Variants in ARHGEF7 observed in about 807,000 individuals in gnomAD.
ARHGEF7 encodes the protein Rho guanine nucleotide exchange factor 7.
A neutral mutation model predicts 109.8 loss-of-function variants in ARHGEF7; 33 were observed. That is an observed-to-expected ratio of 0.30 (90% CI 0.23 to 0.40). The LOEUF (loss-of-function observed/expected upper bound fraction) is 0.40, where lower values mean the gene tolerates loss of function less well. Among genes scored for constraint, ARHGEF7 ranks in the 10% least tolerant of loss-of-function variants. The probability of loss-of-function intolerance (pLI) is 1.00; values close to 1 mark genes in which losing one functional copy is unlikely to be tolerated. For synonymous variants in ARHGEF7, 458 were observed against 424.6 expected, an observed-to-expected ratio of 1.08 and a Z score of -0.97; for missense variants, 938 against 1,098.5, an observed-to-expected ratio of 0.85 and a Z score of 2.07.
chr13:111,260,914 A>T (rs571127190), intron 8 of ARHGEF7, among the ~76,000 whole-genome samples: 1 of 152,214 alleles, frequency 6.6e-6, no homozygotes, highest in African/African-American at 2.4e-5. Context: ...TACACAATCA[A>T]TGTTGTCATT....
chr13:111,221,351 G>A (rs368930143), intron 5 of ARHGEF7, among the ~76,000 whole-genome samples: 5,948 of 9,936 alleles, frequency 0.6, 2,877 homozygotes, highest in African/African-American at 0.82. Flanking sequence ...CTATATATAT[G>A]TCTATATATA....
chr13:111,193,719 A>G (rs1478773661), intron 2 of ARHGEF7, among the ~76,000 whole-genome samples: 1 of 152,194 alleles, frequency 6.6e-6, no homozygotes, highest in Non-Finnish European at 1.5e-5. Flanking sequence ...TAACTATGGC[A>G]TAACCTGCCC....
At chr13:111,175,217 C>T (rs954169265) in intron 2 of ARHGEF7, among the ~76,000 whole-genome samples, 2 of 152,200 alleles carry the variant, frequency 1.3e-5, no homozygotes, top group African/African-American at 4.8e-5. Context: ...ACTGAGGGCC[C>T]CTGTGGGTCC....
At chr13:111,119,104 TC>T (rs2066998929) in intron 1 of ARHGEF7, among the ~76,000 whole-genome samples, 1 of 152,198 alleles carries the variant, frequency 6.6e-6, no homozygotes, top group South Asian at 2.1e-4. Flanking sequence ...TTCTGGTAGT[TC>T]CTGGCTTGTG....
In ARHGEF7 at chr13:111,262,474, C is replaced by T. The variant is rs557982063; in HGVS notation, c.951-5074C>T. On this transcript the variant is annotated intron_variant, in intron 8 of 21. Coordinates refer to ENST00000646102, the MANE Select transcript of ARHGEF7 (RefSeq NM_001354046.2). ...GAGCAGGAGGCTACTTGTGAAGTCT[C>T]ATCTCTGAAGGCCATCTGTTGATCA... Among the ~76,000 whole-genome samples the T allele has an allele frequency of 2.6e-5, 4 of 152,256 alleles. No homozygotes were observed. In the East Asian group the frequency reaches 7.7e-4, roughly 29 times the overall value.
intron 8 of ARHGEF7, among the ~76,000 whole-genome samples, chr13:111,250,450 A>G (rs2089597541): frequency 6.6e-6 from 1 of 152,228 alleles, no homozygotes; most frequent in Non-Finnish European, 1.5e-5. Context: ...TTAGAAAGCT[A>G]CAATTGCAGA....
chr13:111,232,216 C>G (rs1014539454), intron 5 of ARHGEF7, among the ~76,000 whole-genome samples: 6 of 152,038 alleles, frequency 3.9e-5, no homozygotes, highest in African/African-American at 1.2e-4. Context: ...ACACACATAC[C>G]CATAAAACCA....
chr13:111,115,091 G>C (rs1178592539), upstream of ARHGEF7: 3 of 149,372 alleles, frequency 2.0e-5, no homozygotes, highest in African/African-American at 4.9e-5. Context: ...CCCACCCCCG[G>C]CTCCCTCCCC....
chr13:111,223,541 G>C (rs2084763822), intron 5 of ARHGEF7, among the ~76,000 whole-genome samples: 1 of 152,216 alleles, frequency 6.6e-6, no homozygotes, highest in Non-Finnish European at 1.5e-5. Flanking sequence ...CACCTCTCCT[G>C]CTTCCCTGGG....
intron 2 of ARHGEF7, among the ~76,000 whole-genome samples, chr13:111,205,002 A>ACCCCC (rs2081624131): frequency 6.6e-6 from 1 of 151,600 alleles, no homozygotes; most frequent in Admixed American, 6.6e-5. Flanking sequence ...CCACCCCCCC[A>ACCCCC]CCCCGCCCCG....
chr13:111,241,250 G>C (rs2087722165), intron 6 of ARHGEF7: 1 of 1,536,092 alleles, frequency 6.5e-7, no homozygotes, highest in Admixed American at 2.0e-5. Flanking sequence ...GCGTTGGTGG[G>C]ATGGAGCTGT....
intron 1 of ARHGEF7, among the ~76,000 whole-genome samples, chr13:111,142,103 A>T (rs1467415499): frequency 6.6e-6 from 1 of 151,900 alleles, no homozygotes; most frequent in East Asian, 1.9e-4. Flanking sequence ...TTATGTGCTT[A>T]TTTACCATCT....
rs537383208 is a variant in ARHGEF7, at chr13:111,131,027, G to T, written c.165+15336G>T. 1.2e-3 allele frequency among the ~76,000 whole-genome samples: 187 copies of T among 152,350 alleles called. No homozygotes were observed. Among genetic ancestry groups the T allele is most frequent in the Middle Eastern group, 3.4e-3 (1 of 294 alleles). On this transcript the variant is annotated intron_variant, in intron 1 of 21. Transcript: ENST00000646102. The surrounding 1 kb of genome is among the most constrained non-coding windows in gnomAD (Gnocchi z 4.4). ...CACAGGGCTGGTGGGCCCTTAGTTT[G>T]CAAAGGTTTTGATACTTTTCAAATT...
chr13:111,213,404 C>T lies in ARHGEF7; in HGVS notation c.468+3402C>T, dbSNP rs141286095. On this transcript the variant is annotated intron_variant, in intron 4 of 21. Transcript: ENST00000646102. ...CAGTTCATGTATTGTGTGCATACAG[C>T]GTGATGTATTGCATGATGAAGTTTT... Among the ~76,000 whole-genome samples, 286 of 152,184 alleles carry T rather than the reference C, an allele frequency of 1.9e-3. 3 individuals are homozygous for T. The highest frequency in any genetic ancestry group is 7.9e-3 in the East Asian group (41 of 5,190).
intron 2 of ARHGEF7, among the ~76,000 whole-genome samples, chr13:111,175,133 G>C (rs781238933): frequency 1.3e-5 from 2 of 152,218 alleles, no homozygotes; most frequent in Non-Finnish European, 2.9e-5. Flanking sequence ...TTTGTGGTAA[G>C]CTGCTTATTT....
intron 1 of ARHGEF7, among the ~76,000 whole-genome samples, chr13:111,120,470 AAT>A (rs142489523): frequency 0.019 from 1,690 of 87,822 alleles, 29 homozygotes; most frequent in African/African-American, 0.074. Context: ...CATGCATGTA[AAT>A]ACACACACAC....
intron 2 of ARHGEF7, among the ~76,000 whole-genome samples, chr13:111,195,011 G>A (rs183443863): frequency 6.0e-4 from 91 of 152,334 alleles, no homozygotes; most frequent in African/African-American, 2.0e-3. Context: ...CTCCACTGAC[G>A]ATTGGGTTTT....
In ARHGEF7 at chr13:111,115,317, C is replaced by A; in HGVS notation, c.-210C>A. ...GGGCGGCGGCGGGCGCCCGCAGGTT[C>A]CCGAGCCGCTCCTGAGAAGGCGCCT... On this transcript the variant is annotated 5_prime_UTR_variant, in exon 1 of 22. Transcript: ENST00000646102. 5.7e-6 allele frequency: 1 copy of A among 175,516 alleles called. No individual in the cohort carries two copies. The highest frequency in any genetic ancestry group is 1.7e-4 in the South Asian group (1 of 5,780). 10.9% of individuals were successfully genotyped at this position (175,516 alleles called of 1,614,324 possible).
chr13:111,214,974 G>A (rs1250465767), intron 4 of ARHGEF7, among the ~76,000 whole-genome samples: 1 of 150,826 alleles, frequency 6.6e-6, no homozygotes, highest in African/African-American at 2.4e-5. Flanking sequence ...TTTTTTCAGT[G>A]ATTTATACAT....
Sources: allele counts gnomAD v4.1 joint callset (sites outside exome capture counted in the v4.1 genomes callset), GRCh38; gene constraint gnomAD v4.1.1; non-coding constraint Gnocchi (gnomAD v3.1); transcripts MANE v1.5; gene names NCBI Gene and HGNC (gene_info 2026-07-23, HGNC 2026-07-21).